Variants in SCML4 observed in about 807,000 individuals in gnomAD.
SCML4 encodes the protein sex comb on midleg-like protein 4.
SCML4 carries 34 observed loss-of-function variants against 41.1 expected under a neutral mutation model. The observed-to-expected ratio is 0.83, with a 90% confidence interval of 0.63 to 1.10. The LOEUF is 1.10. Ranked by LOEUF, SCML4 falls within the 50% of genes least tolerant of loss-of-function variation. The probability of loss-of-function intolerance (pLI) is 0.00; values close to 1 mark genes in which losing one functional copy is unlikely to be tolerated. For synonymous variants in SCML4, 214 were observed against 220.9 expected (o/e 0.97, Z 0.28); for missense variants, 522 against 534.1 (o/e 0.98, Z 0.22).
intron 7 of SCML4, among the ~76,000 whole-genome samples, chr6:107,707,198 G>C (rs58508045): frequency 0.26 from 39,829 of 151,870 alleles, 5,604 homozygotes; most frequent in East Asian, 0.38. Context: ...CTGCTCGGGT[G>C]GGCTGAGGCA....
rs148891280 is a variant in SCML4, at chr6:107,749,769, C to T, written c.201G>A (p.Pro67=). The T allele has an allele frequency of 4.5e-4, 723 of 1,613,948 alleles. 2 individuals carry two copies. The Middle Eastern group carries it at 4.8e-3, about 11-fold the overall frequency. The change falls in exon 3 of 8, where the codon CCG becomes CCA. Residue 67 remains proline, a synonymous_variant. Transcript: ENST00000369020. ...TGAGGTCGGGCTCTGGGGTACTCCGCGGAGGTGAGAGGGCTAAGGGAGTCA... is the reference window on the plus strand; with the variant it reads ...TGAGGTCGGGCTCTGGGGTACTCCGTGGAGGTGAGAGGGCTAAGGGAGTCA... ...VLMTPLALSP[P]RSTPEPDLSS...
chr6:107,799,029 G>A (rs1315119108), intron 1 of SCML4, among the ~76,000 whole-genome samples: 3 of 152,126 alleles, frequency 2.0e-5, no homozygotes, highest in Non-Finnish European at 4.4e-5. Flanking sequence ...CATTTGAAAA[G>A]AAGGTGTATT....
At chr6:107,730,469 C>G (rs1776429275) in intron 5 of SCML4, among the ~76,000 whole-genome samples, 1 of 152,214 alleles carries the variant, frequency 6.6e-6, no homozygotes, top group South Asian at 2.1e-4. Flanking sequence ...GTGGAGAATG[C>G]CAGCTTAACA....
At chr6:107,799,849 A>G (rs1438823190) in intron 1 of SCML4, among the ~76,000 whole-genome samples, 1 of 151,502 alleles carries the variant, frequency 6.6e-6, no homozygotes, top group East Asian at 1.9e-4. Flanking sequence ...TAGAGTTTCC[A>G]TTTCTTTTCT....
intron 1 of SCML4, among the ~76,000 whole-genome samples, chr6:107,775,026 GAAC>G (rs1402680122): frequency 7.9e-5 from 12 of 151,294 alleles, no homozygotes; most frequent in East Asian, 3.9e-4. Context: ...AGAAAGAAAA[GAAC>G]AACAAATCAG....
At chr6:107,776,758 A>G (rs1198632494) in intron 1 of SCML4, among the ~76,000 whole-genome samples, 2 of 152,238 alleles carry the variant, frequency 1.3e-5, no homozygotes, top group Non-Finnish European at 2.9e-5. Flanking sequence ...AAGAGCACAA[A>G]GATATATGGC....
At chr6:107,805,343 CTAAAA>C (rs1244432658) in intron 1 of SCML4, among the ~76,000 whole-genome samples, 13 of 152,138 alleles carry the variant, frequency 8.5e-5, no homozygotes, top group Admixed American at 1.3e-4. Context: ...AAGACAGTGC[CTAAAA>C]TACAGGGATA....
At chr6:107,802,623 G>GTAGA (rs1783252451) in intron 1 of SCML4, among the ~76,000 whole-genome samples, 1 of 142,990 alleles carries the variant, frequency 7.0e-6, no homozygotes, top group African/African-American at 2.7e-5. Context: ...AGGAAGGAAG[G>GTAGA]AAGGAAGGAA....
chr6:107,781,838 A>G (rs1781523465), intron 1 of SCML4, among the ~76,000 whole-genome samples: 2 of 152,186 alleles, frequency 1.3e-5, no homozygotes, highest in Non-Finnish European at 2.9e-5. Context: ...ACCAAGGCTC[A>G]TGCTCCTCCT....
chr6:107,735,443 G>A (rs759641584), intron 5 of SCML4, among the ~76,000 whole-genome samples: 2 of 151,838 alleles, frequency 1.3e-5, no homozygotes, highest in African/African-American at 2.4e-5. Context: ...TTTTGAGGGC[G>A]GGGGGATTCC....
rs1163882048 is a variant in SCML4 at position 107,759,368 on chromosome 6, AG to A, written c.157-9556del. Among the ~76,000 whole-genome samples, 7 of 149,120 alleles carry A rather than the reference AG, an allele frequency of 4.7e-5. No homozygotes were observed. The South Asian group carries it at 8.4e-4, about 18-fold the overall frequency. ...ACATACATACATACATACATACATAAGGCTGCTGTTAGGCAGAATGGATGGG... is the reference window on the plus strand; with the variant it reads ...ACATACATACATACATACATACATAAGCTGCTGTTAGGCAGAATGGATGGG... On this transcript the variant is annotated intron_variant, in intron 2 of 7. Transcript: ENST00000369020.
At chr6:107,748,341 C>G (rs1778318743) in intron 3 of SCML4, among the ~76,000 whole-genome samples, 1 of 152,122 alleles carries the variant, frequency 6.6e-6, no homozygotes, top group Admixed American at 6.5e-5. Flanking sequence ...AAGAGGAGAC[C>G]AGTGGCATTT....
At chr6:107,823,014 T>TAA (rs11423518) in intron 1 of SCML4, among the ~76,000 whole-genome samples, 2,432 of 146,696 alleles carry the variant, frequency 0.017, 56 homozygotes, top group African/African-American at 0.044. Flanking sequence ...TATTTTGCTT[T>TAA]AAAAAAAAAA....
At chr6:107,785,392 A>C (rs977778951) in intron 1 of SCML4, among the ~76,000 whole-genome samples, 4 of 152,202 alleles carry the variant, frequency 2.6e-5, no homozygotes, top group Non-Finnish European at 5.9e-5. Context: ...GGCTGCAGCG[A>C]ATCAGTTTCG....
chr6:107,830,437 G>C, the SCML4 span, among the ~76,000 whole-genome samples: 1 of 152,156 alleles, frequency 6.6e-6, no homozygotes, highest in African/African-American at 2.4e-5. Flanking sequence ...TAAGGGGTTG[G>C]ATGGGTGAGG....
chr6:107,804,913 T>C (rs142857026), intron 1 of SCML4, among the ~76,000 whole-genome samples: 1 of 152,298 alleles, frequency 6.6e-6, no homozygotes, highest in Non-Finnish European at 1.5e-5. Context: ...AAGGCTGCAA[T>C]GAGCTGTGTT....
At chr6:107,706,960 C>T (rs1773697748) in intron 7 of SCML4, among the ~76,000 whole-genome samples, 1 of 152,140 alleles carries the variant, frequency 6.6e-6, no homozygotes, top group Non-Finnish European at 1.5e-5. Context: ...ATGCCAGGCT[C>T]CTGATCCCCA....
intron 3 of SCML4, among the ~76,000 whole-genome samples, chr6:107,748,082 A>G (rs1020993812): frequency 4.8e-4 from 73 of 152,256 alleles, no homozygotes; most frequent in African/African-American, 1.7e-3. Context: ...AAGACACAAA[A>G]GTTATTTCCT....
Position 107,745,032 on chromosome 6 carries a change from T to A in SCML4, c.599A>T (p.Asp200Val), listed in dbSNP as rs778138871. 6.2e-7 allele frequency: 1 copy of A among 1,613,962 alleles called. No homozygotes were observed. The highest frequency in any genetic ancestry group is 2.2e-5 in the East Asian group (1 of 44,858). The change falls in exon 5 of 8, where the codon GAC becomes GTC. Residue 200 changes from aspartate to valine, a missense_variant. Coordinates refer to ENST00000369020, the MANE Select transcript of SCML4 (RefSeq NM_198081.5). ...GGGGAAGGGCTGGTGGCTGAAGAGGTCATCGCACAGGAGGCTTCGGCACAG... is the reference window on the plus strand; with the variant it reads ...GGGGAAGGGCTGGTGGCTGAAGAGGACATCGCACAGGAGGCTTCGGCACAG... ...AKLCRSLLCD[D>V]LFSHQPFPRG...
Sources: gnomAD v4.1 joint callset for allele counts (sites outside exome capture counted in the v4.1 genomes callset) on GRCh38, gnomAD v4.1.1 for gene constraint, MANE v1.5 for transcripts, NCBI Gene and HGNC (gene_info 2026-07-23, HGNC 2026-07-21) for gene names.